Variants in PDE8B observed in about 807,000 individuals in gnomAD.
PDE8B encodes the protein phosphodiesterase 8B, also known as high affinity cAMP-specific and IBMX-insensitive 3',5'-cyclic phosphodiesterase 8B.
In PDE8B, 26 loss-of-function variants were observed where a neutral mutation model predicts 101.3. The observed-to-expected ratio is 0.26, with a 90% CI of 0.19 to 0.36. The LOEUF (loss-of-function observed/expected upper bound fraction) is 0.36, where lower values mean the gene tolerates loss of function less well. Among genes scored for constraint, PDE8B ranks in the 10% least tolerant of loss-of-function variants. The pLI is 1.00. For missense variants in PDE8B, 810 were observed against 1,163.1 expected (o/e 0.70, Z 4.42); for synonymous variants, 424 against 429.3 (o/e 0.99, Z 0.15).
chr5:77,165,986 A>G, the PDE8B span, among the ~76,000 whole-genome samples: 11 of 133,486 alleles, frequency 8.2e-5, no homozygotes, highest in Non-Finnish European at 1.4e-4. Flanking sequence ...AAAAAAAAAA[A>G]AAAAAGAAAA....
At chr5:77,218,580 A>C (rs1017274842) in intron 1 of PDE8B, among the ~76,000 whole-genome samples, 1 of 152,224 alleles carries the variant, frequency 6.6e-6, no homozygotes, top group African/African-American at 2.4e-5. Context: ...GGCAGAGGGA[A>C]GGGGAGCAGG....
intron 10 of PDE8B, among the ~76,000 whole-genome samples, chr5:77,382,416 C>G (rs1787671396): frequency 6.6e-6 from 1 of 152,098 alleles, no homozygotes; most frequent in Non-Finnish European, 1.5e-5. Context: ...TTAGGCATAG[C>G]CTTCCGTGAG....
chr5:77,406,787 G>A (rs972045643), intron 12 of PDE8B, among the ~76,000 whole-genome samples: 5 of 152,226 alleles, frequency 3.3e-5, no homozygotes, highest in African/African-American at 7.2e-5. Flanking sequence ...CATTAACTAT[G>A]TAGAAAAATA....
At chr5:77,334,431 A>G (rs1481802954) in intron 5 of PDE8B, among the ~76,000 whole-genome samples, 1 of 152,192 alleles carries the variant, frequency 6.6e-6, no homozygotes, top group Non-Finnish European at 1.5e-5. Context: ...AACTGTTTTT[A>G]TATCAACTTT....
chr5:77,339,081 A>G (rs1778711325), intron 6 of PDE8B, among the ~76,000 whole-genome samples: 1 of 152,162 alleles, frequency 6.6e-6, no homozygotes, highest in African/African-American at 2.4e-5. Flanking sequence ...GCATAAAGAA[A>G]AGCCTTCAGG....
chr5:77,214,883 G>A (rs925829363), intron 1 of PDE8B, among the ~76,000 whole-genome samples: 39 of 152,110 alleles, frequency 2.6e-4, no homozygotes, highest in African/African-American at 8.7e-4. Flanking sequence ...TAGTGTTGCT[G>A]ATCTGGGGAC....
chr5:77,118,018 T>C, the PDE8B span, among the ~76,000 whole-genome samples: 9 of 152,142 alleles, frequency 5.9e-5, no homozygotes, highest in Non-Finnish European at 1.0e-4. Context: ...CACTGAAAGC[T>C]CCGCCTCCCA....
At position 77,369,296 on chromosome 5, in the gene PDE8B, G is replaced by T. The variant is rs1036100851; in HGVS notation, c.1167+15890G>T. Among the ~76,000 whole-genome samples, 4 of 151,588 alleles carry T rather than the reference G, an allele frequency of 2.6e-5. No individual in the cohort carries two copies. In the East Asian group the frequency reaches 7.7e-4, roughly 29 times the overall value. ...ATGTTTTTGAAGTGAGGTATTGAAG[G>T]GTGAGATGGAAAGAAGAATAAAGAA... On this transcript the variant is annotated intron_variant, in intron 10 of 21. Coordinates refer to ENST00000264917, the MANE Select transcript of PDE8B (RefSeq NM_003719.5).
At chr5:77,269,780 G>A (rs975601003) in intron 1 of PDE8B, among the ~76,000 whole-genome samples, 2 of 152,266 alleles carry the variant, frequency 1.3e-5, no homozygotes, top group African/African-American at 4.8e-5. Flanking sequence ...TGAGTTTACT[G>A]TAGATGTATG....
At position 77,257,376 on chromosome 5, in the gene PDE8B, G is replaced by A. The variant is rs116755884; in HGVS notation, c.339+46112G>A. Among the ~76,000 whole-genome samples the A allele has an allele frequency of 8.0e-3, 1,223 of 152,196 alleles. 12 individuals carry two copies. The highest frequency in any genetic ancestry group is 0.026 in the African/African-American group (1,065 of 41,522). On this transcript the variant is annotated intron_variant, in intron 1 of 21. Coordinates refer to ENST00000264917, the MANE Select transcript of PDE8B (RefSeq NM_003719.5). Reference sequence around the variant, plus strand: ...ACAGAAAGCTTAAAAGTATAGAAAAGGATGCACCAGCCTAGTACTAACCAA... The same window carrying A: ...ACAGAAAGCTTAAAAGTATAGAAAAAGATGCACCAGCCTAGTACTAACCAA...
At chr5:77,256,843 A>G (rs933975455) in intron 1 of PDE8B, among the ~76,000 whole-genome samples, 2 of 152,214 alleles carry the variant, frequency 1.3e-5, no homozygotes, top group African/African-American at 4.8e-5. Flanking sequence ...GATTTTCTGA[A>G]TAATCTTCAT....
chr5:77,368,017 T>C (rs983404284), intron 10 of PDE8B, among the ~76,000 whole-genome samples: 8 of 152,228 alleles, frequency 5.3e-5, no homozygotes, highest in African/African-American at 1.2e-4. Context: ...GTGACTAATA[T>C]GTCCCCATGT....
intron 1 of PDE8B, among the ~76,000 whole-genome samples, chr5:77,278,022 G>A (rs1190022088): frequency 1.3e-5 from 2 of 152,182 alleles, no homozygotes; most frequent in Non-Finnish European, 2.9e-5. Flanking sequence ...AATCAGAGCT[G>A]TTTTCCTGGG....
At chr5:77,095,646 T>G in the PDE8B span, among the ~76,000 whole-genome samples, 8 of 152,210 alleles carry the variant, frequency 5.3e-5, no homozygotes, top group Non-Finnish European at 1.2e-4. Context: ...ATTTTTTGCT[T>G]GCAAATCGAC....
chr5:77,202,868 G>A, the PDE8B span, among the ~76,000 whole-genome samples: 1 of 152,314 alleles, frequency 6.6e-6, no homozygotes, highest in South Asian at 2.1e-4. Context: ...CCAAAGTGCT[G>A]GGATTACAGG....
chr5:77,113,577 C>G, the PDE8B span: 1 of 152,204 alleles, frequency 6.6e-6, no homozygotes, highest in African/African-American at 2.4e-5. Flanking sequence ...AAAACCTAGG[C>G]AATACCATTT....
intron 1 of PDE8B, among the ~76,000 whole-genome samples, chr5:77,272,979 C>T (rs1365663206): frequency 6.6e-6 from 1 of 152,166 alleles, no homozygotes; most frequent in Non-Finnish European, 1.5e-5. Flanking sequence ...GGCCTAATTG[C>T]TACGACGTCA....
the PDE8B span, among the ~76,000 whole-genome samples, chr5:77,174,688 GTAT>G: frequency 1.3e-5 from 2 of 152,070 alleles, no homozygotes; most frequent in Admixed American, 1.3e-4. Context: ...GGCTCTGCTG[GTAT>G]CTCCTCCGCT....
chr5:77,298,027 T>C (rs1419405711), intron 1 of PDE8B, among the ~76,000 whole-genome samples: 1 of 152,234 alleles, frequency 6.6e-6, no homozygotes, highest in East Asian at 1.9e-4. Flanking sequence ...GTCTTGCTTA[T>C]CTTTTTTGGC....
Sources: allele counts gnomAD v4.1 joint callset (sites outside exome capture counted in the v4.1 genomes callset), GRCh38; gene constraint gnomAD v4.1.1; transcripts MANE v1.5; gene names NCBI Gene and HGNC (gene_info 2026-07-23, HGNC 2026-07-21).